The following ELK3 variants were observed in gnomAD, a reference collection of about 807,000 sequenced individuals.
ELK3 encodes the protein ETS transcription factor ELK3.
A neutral mutation model predicts 28.9 loss-of-function variants in ELK3; 10 were observed. The ratio of observed to expected loss-of-function variants is 0.35; its 90% confidence interval spans 0.21 to 0.59. ELK3 has a LOEUF of 0.59. ELK3 is among the 20% of genes least tolerant of loss of function. ELK3 has a pLI of 0.82. For synonymous variants in ELK3, 272 were observed against 243.5 expected, an observed-to-expected ratio of 1.12 and a Z score of -1.09; for missense variants, 463 against 517.3, an observed-to-expected ratio of 0.90 and a Z score of 1.02.
intron 2 of ELK3, among the ~76,000 whole-genome samples, chr12:96,225,125 T>C (rs931408304): frequency 6.6e-6 from 1 of 152,232 alleles, no homozygotes; most frequent in Non-Finnish European, 1.5e-5. Flanking sequence ...GCTTATTGTT[T>C]TGCGTGTTTT....
chr12:96,254,250 G>A (rs933283260), intron 3 of ELK3, among the ~76,000 whole-genome samples: 3 of 152,150 alleles, frequency 2.0e-5, no homozygotes, highest in African/African-American at 7.2e-5. Context: ...GCTTGAACCC[G>A]GGAGGCAGAG....
At chr12:96,219,481 G>T (rs1007005010) in intron 1 of ELK3, among the ~76,000 whole-genome samples, 1 of 152,180 alleles carries the variant, frequency 6.6e-6, no homozygotes, top group Non-Finnish European at 1.5e-5. Context: ...GGAATGTACA[G>T]TGTGATTGTA....
chr12:96,256,877 CACCCTGGCGAGCTCAG>C (rs1394845383), intron 3 of ELK3, among the ~76,000 whole-genome samples: 2 of 152,136 alleles, frequency 1.3e-5, no homozygotes, highest in Non-Finnish European at 2.9e-5. Flanking sequence ...GATGCCAGCT[CACCCTGGCGAGCTCAG>C]ATGTGCAGGC....
intron 1 of ELK3, among the ~76,000 whole-genome samples, chr12:96,202,645 A>C (rs933022785): frequency 1.4e-5 from 2 of 147,354 alleles, no homozygotes; most frequent in African/African-American, 2.5e-5. Flanking sequence ...TACTGCCTCA[A>C]CCTCCCAAGT....
intron 1 of ELK3, among the ~76,000 whole-genome samples, chr12:96,214,135 AACATTGCAGACTGGGCCAG>A (rs1432756886): frequency 3.3e-5 from 5 of 152,320 alleles, no homozygotes; most frequent in South Asian, 2.1e-4. Context: ...TTATTTAAAA[AACATTGCAGACTGGGCCAG>A]ACACGGTGGC....
At chr12:96,244,740 C>T (rs1364885560) in intron 2 of ELK3, among the ~76,000 whole-genome samples, 3 of 152,136 alleles carry the variant, frequency 2.0e-5, no homozygotes, top group Non-Finnish European at 4.4e-5. Context: ...CAGGCCAGCA[C>T]ACTTTCTTTT....
chr12:96,202,923 C>T (rs766041645), intron 1 of ELK3, among the ~76,000 whole-genome samples: 3 of 151,266 alleles, frequency 2.0e-5, no homozygotes, highest in African/African-American at 4.9e-5. Flanking sequence ...AGTCTCGCTC[C>T]GTCGCCCAGT....
At chr12:96,240,265 T>C (rs1951811725) in intron 2 of ELK3, among the ~76,000 whole-genome samples, 1 of 142,212 alleles carries the variant, frequency 7.0e-6, no homozygotes, top group Non-Finnish European at 1.5e-5. Context: ...TGAGGGTTAA[T>C]TTTGTCTATT....
intron 2 of ELK3, 128 bp downstream of exon 2, chr12:96,223,901 C>T: frequency 1.1e-6 from 1 of 939,098 alleles, no homozygotes; most frequent in East Asian, 2.6e-5. Context: ...CAGTGCATAC[C>T]TTCTTTTTGG....
chr12:96,220,468 A>G (rs1415126529), intron 1 of ELK3, among the ~76,000 whole-genome samples: 4 of 147,000 alleles, frequency 2.7e-5, no homozygotes, highest in African/African-American at 1.0e-4. Context: ...GCTTACTGCA[A>G]CCTCTGCCTC....
intron 1 of ELK3, among the ~76,000 whole-genome samples, chr12:96,222,342 C>T (rs1417139499): frequency 1.3e-5 from 2 of 152,026 alleles, no homozygotes; most frequent in Non-Finnish European, 2.9e-5. Context: ...AGCATTTTAG[C>T]CAGAAGAAAT....
chr12:96,215,629 CTTTTTT>C (rs10611662), intron 1 of ELK3, among the ~76,000 whole-genome samples: 2 of 133,520 alleles, frequency 1.5e-5, no homozygotes, highest in Non-Finnish European at 1.6e-5. Context: ...GACATAAAAC[CTTTTTT>C]TTTTTTTTTT....
Position 96,244,211 on chromosome 12 carries a change from C to T in ELK3, c.208-2729C>T, listed in dbSNP as rs761974375. On this transcript the variant is annotated intron_variant, in intron 2 of 4. Coordinates refer to ENST00000228741, the MANE Select transcript of ELK3 (RefSeq NM_005230.4). ...TGGATAATATTCCATTGTAAGGACA[C>T]CCCACATTTCATTTATCCTTTTGCT... 1.2e-4 allele frequency among the ~76,000 whole-genome samples: 19 copies of T among 152,168 alleles called. No homozygotes were observed. The South Asian group carries it at 1.9e-3, about 15-fold the overall frequency.
Position 96,247,836 on chromosome 12 carries a change from C to G in ELK3, c.1002+102C>G, listed in dbSNP as rs1951870908. 7.5e-7 allele frequency: 1 copy of G among 1,338,378 alleles called. No individual in the cohort carries two copies. Among genetic ancestry groups the G allele is most frequent in the African/African-American group, 1.5e-5 (1 of 67,564 alleles). The allele number at this position is 1,338,378 out of a possible 1,614,324, so 82.9% of individuals were successfully genotyped here. A position where few individuals can be genotyped will look rare whatever the true frequency, so the allele number is the denominator to read the frequency against. On this transcript the variant is annotated intron_variant, in intron 3 of 4. Transcript: ENST00000228741. This position sits in a 1 kb window ranked among gnomAD's most constrained non-coding sequence, Gnocchi z 5.5. ...TTCCTTCTGTCCCTCAAAACGTTGTCCTATGACTCGTACCGAGGTCACTGT... is the reference window on the plus strand; with the variant it reads ...TTCCTTCTGTCCCTCAAAACGTTGTGCTATGACTCGTACCGAGGTCACTGT...
At chr12:96,227,610 C>CGTCCCTGTGCCCATGCGGTT (rs1951712450) in intron 2 of ELK3, among the ~76,000 whole-genome samples, 1 of 149,624 alleles carries the variant, frequency 6.7e-6, no homozygotes, top group African/African-American at 2.5e-5. Context: ...CCCATGCGGT[C>CGTCCCTGTGCCCATGCGGTT]AGAAAGGCCC....
Position 96,267,066 on chromosome 12 carries a change from C to A in ELK3, c.1126-16C>A, listed in dbSNP as rs1417995820. On this transcript the variant is annotated splice_polypyrimidine_tract_variant and intron_variant, in intron 4 of 4. Transcript: ENST00000228741. ...GATTTGCAATAATTATTGTAAAAATCTTTTGTCCCCTACAGTTCCCCACAC... is the reference window on the plus strand; with the variant it reads ...GATTTGCAATAATTATTGTAAAAATATTTTGTCCCCTACAGTTCCCCACAC... 1 of 1,600,562 alleles carries A rather than the reference C, an allele frequency of 6.2e-7. No homozygotes were observed. Among genetic ancestry groups the A allele is most frequent in the South Asian group, 1.1e-5 (1 of 88,780 alleles).
intron 1 of ELK3, among the ~76,000 whole-genome samples, chr12:96,212,561 C>A (rs898537101): frequency 6.6e-6 from 1 of 152,144 alleles, no homozygotes; most frequent in Non-Finnish European, 1.5e-5. Context: ...AAATCTGTTT[C>A]CTGGGGATGT....
At chr12:96,216,066 C>T (rs1434884659) in intron 1 of ELK3, among the ~76,000 whole-genome samples, 2 of 152,234 alleles carry the variant, frequency 1.3e-5, no homozygotes, top group Non-Finnish European at 2.9e-5. Flanking sequence ...TTACTCTCGG[C>T]CTCTCTACTC....
intron 4 of ELK3, among the ~76,000 whole-genome samples, chr12:96,260,683 T>C (rs1330001376): frequency 6.6e-6 from 1 of 152,180 alleles, no homozygotes; most frequent in Non-Finnish European, 1.5e-5. Flanking sequence ...GTGTTACTGT[T>C]TGAATATGTT....
Sources: gnomAD v4.1 joint callset for allele counts (sites outside exome capture counted in the v4.1 genomes callset) on GRCh38, gnomAD v4.1.1 for gene constraint, Gnocchi (gnomAD v3.1) non-coding constraint, MANE v1.5 for transcripts, NCBI Gene and HGNC (gene_info 2026-07-23, HGNC 2026-07-21) for gene names.